Variants in DYNC2H1 observed in about 807,000 individuals in gnomAD.
The protein encoded by DYNC2H1 is cytoplasmic dynein 2 heavy chain 1.
Under a neutral mutation model 570.0 loss-of-function variants are expected in DYNC2H1, and 410 were observed. That is an observed-to-expected ratio of 0.72 (90% CI 0.66 to 0.78). The LOEUF is 0.78. Among genes scored for constraint, DYNC2H1 ranks in the 30% least tolerant of loss-of-function variants. The pLI, the probability that DYNC2H1 is intolerant of heterozygous loss-of-function variation, is 0.00. For synonymous variants in DYNC2H1, 1,688 were observed against 1,677.6 expected (o/e 1.01, Z -0.15); for missense variants, 4,865 against 5,046.4 (o/e 0.96, Z 1.09).
In DYNC2H1 at chr11:103,201,839, G is replaced by T. The variant is rs1862730511; in HGVS notation, c.8197+1685G>T. 6.6e-6 allele frequency among the ~76,000 whole-genome samples: 1 copy of T among 152,188 alleles called. No homozygotes were observed. Among genetic ancestry groups the T allele is most frequent in the East Asian group, 1.9e-4 (1 of 5,180 alleles). On this transcript the variant is annotated intron_variant, in intron 50 of 88. Transcript: ENST00000375735. This position sits in a 1 kb window ranked among gnomAD's most constrained non-coding sequence, Gnocchi z 4.8. ...TTAGTGATTGGGAGGAAGTAGCTTA[G>T]TTTTAAACTTGGATCAAGAGTGTTT...
intron 83 of DYNC2H1, among the ~76,000 whole-genome samples, chr11:103,383,430 C>T (rs571958985): frequency 9.2e-5 from 14 of 151,894 alleles, no homozygotes; most frequent in African/African-American, 1.4e-4. Context: ...TGTTTTGCTT[C>T]TTGATTTGGG....
rs1347185752 is a variant in DYNC2H1, at chr11:103,261,701, A to C, written c.10695+1724A>C. Among the ~76,000 whole-genome samples, 1 of 152,250 alleles carries C rather than the reference A, an allele frequency of 6.6e-6. No individual in the cohort carries two copies. Among genetic ancestry groups the C allele is most frequent in the Non-Finnish European group, 1.5e-5 (1 of 68,044 alleles). On this transcript the variant is annotated intron_variant, in intron 70 of 88. Transcript: ENST00000375735. This position sits in a 1 kb window ranked among gnomAD's most constrained non-coding sequence, Gnocchi z 4.8. ...CAAAAACCCCATCCGAAGGTCACCAAGATCAAAGACCAAAGGTAGATAAAT... is the reference window on the plus strand; with the variant it reads ...CAAAAACCCCATCCGAAGGTCACCACGATCAAAGACCAAAGGTAGATAAAT...
intron 82 of DYNC2H1, among the ~76,000 whole-genome samples, chr11:103,332,312 G>GAAAAAAAAAAAAA (rs71962098): frequency 1.6e-5 from 2 of 122,544 alleles, no homozygotes; most frequent in African/African-American, 3.0e-5. Context: ...AAAAAACTGG[G>GAAAAAAAAAAAAA]AAAAAAAAAA....
At chr11:103,253,546 T>C in intron 66 of DYNC2H1, 98 bp downstream of exon 66, 1 of 1,148,760 alleles carries the variant, frequency 8.7e-7, no homozygotes, top group Non-Finnish European at 1.2e-6. Context: ...GACTAATTAG[T>C]ATTTACATTT....
chr11:103,248,969 G>T (rs764906411), intron 65 of DYNC2H1, among the ~76,000 whole-genome samples: 6 of 152,118 alleles, frequency 3.9e-5, no homozygotes, highest in Non-Finnish European at 7.4e-5. Flanking sequence ...TCCCTGGAAA[G>T]GACCCAGAGA....
intron 87 of DYNC2H1, among the ~76,000 whole-genome samples, chr11:103,464,811 A>C (rs962671188): frequency 6.6e-6 from 1 of 152,170 alleles, no homozygotes; most frequent in African/African-American, 2.4e-5. Context: ...ATATTGAAAC[A>C]TGTACTTCTG....
At position 103,240,568 on chromosome 11, in the gene DYNC2H1, T is replaced by C. The variant is rs1362297032; in HGVS notation, c.9820-3125T>C. On this transcript the variant is annotated intron_variant, in intron 63 of 88. Coordinates refer to ENST00000375735, the MANE Select transcript of DYNC2H1 (RefSeq NM_001377.3). ...CGTCATTCTTACTATGTCTCTTTAC[T>C]TTTTTATTCAGTTATTCAACTAATC... Among the ~76,000 whole-genome samples the C allele has an allele frequency of 3.3e-5, 5 of 152,166 alleles. No individual in the cohort carries two copies. The South Asian group carries it at 1.0e-3, about 31-fold the overall frequency.
rs1591397473 is a variant in DYNC2H1, at chr11:103,200,070, G to A, written c.8113G>A (p.Ala2705Thr). The A allele has an allele frequency of 1.9e-6, 3 of 1,587,070 alleles. No individual in the cohort carries two copies. The highest frequency in any genetic ancestry group is 2.6e-6 in the Non-Finnish European group (3 of 1,164,936). Reference protein sequence around the residue: ...KHVLQLAGIEAQQVVLLLEDY... With the variant: ...KHVLQLAGIETQQVVLLLEDY... ...GGTGCTGCAACTTGCAGGAATTGAA[G>A]CACAACAGGTAGTTTTACTTCTTGA... Residue 2705 changes from alanine (A) to threonine (T), a missense_variant, in exon 50 of 89, where the codon GCA becomes ACA. Transcript: ENST00000375735.
intron 83 of DYNC2H1, among the ~76,000 whole-genome samples, chr11:103,393,414 A>T (rs1942257241): frequency 6.6e-6 from 1 of 152,342 alleles, no homozygotes; most frequent in East Asian, 1.9e-4. Context: ...ATATCATATT[A>T]AAGATACTTT....
chr11:103,449,764 T>C (rs1944536630), intron 85 of DYNC2H1, among the ~76,000 whole-genome samples: 3 of 152,198 alleles, frequency 2.0e-5, no homozygotes, highest in African/African-American at 7.2e-5. Context: ...GAATTCCATT[T>C]TGCTCAGCCT....
chr11:103,203,793 T>G lies in DYNC2H1; in HGVS notation c.8311+17T>G. 8 of 1,520,724 alleles carry G rather than the reference T, an allele frequency of 5.3e-6. No homozygotes were observed. The highest frequency in any genetic ancestry group is 6.3e-6 in the Non-Finnish European group (7 of 1,109,614). 94.2% of individuals were successfully genotyped at this position (1,520,724 alleles called of 1,614,324 possible). A position where few individuals can be genotyped will look rare whatever the true frequency, so the allele number is the denominator to read the frequency against. ...TCACATATAGTAAGTGACATAGAAT[T>G]CATTAATCAAATCAAACTGGTTTGT... is the stretch of plus-strand genomic sequence containing the variant. On this transcript the variant is annotated intron_variant, in intron 51 of 88. Transcript: ENST00000375735. The surrounding 1 kb of genome is among the most constrained non-coding windows in gnomAD (Gnocchi z 4.7).
chr11:103,258,733 G>A (rs1162503407), intron 69 of DYNC2H1, among the ~76,000 whole-genome samples: 2 of 152,168 alleles, frequency 1.3e-5, no homozygotes, highest in Non-Finnish European at 2.9e-5. Flanking sequence ...CTTTTAAAAT[G>A]CAGCCTTAGG....
intron 70 of DYNC2H1, among the ~76,000 whole-genome samples, chr11:103,260,615 T>C (rs1865235481): frequency 6.8e-6 from 1 of 146,462 alleles, no homozygotes. Context: ...TTTTTGTACT[T>C]AGAATTTTTT....
chr11:103,451,418 C>T (rs975747054), intron 85 of DYNC2H1, among the ~76,000 whole-genome samples: 6 of 148,882 alleles, frequency 4.0e-5, no homozygotes, highest in Non-Finnish European at 8.9e-5. Flanking sequence ...CTGCAACCTC[C>T]GCCTCCCAGG....
At chr11:103,279,433 A>G (rs1040329401) in intron 70 of DYNC2H1, among the ~76,000 whole-genome samples, 2 of 152,210 alleles carry the variant, frequency 1.3e-5, no homozygotes, top group Admixed American at 6.5e-5. Flanking sequence ...TATGCGGCGT[A>G]TTATTGAATT....
intron 84 of DYNC2H1, among the ~76,000 whole-genome samples, chr11:103,433,181 A>C (rs1049446205): frequency 6.6e-6 from 1 of 152,072 alleles, no homozygotes; most frequent in African/African-American, 2.4e-5. Context: ...TTAATTCTCT[A>C]CATATTTAAC....
chr11:103,169,297 C>T (rs1485396664), intron 32 of DYNC2H1, among the ~76,000 whole-genome samples: 1 of 151,972 alleles, frequency 6.6e-6, no homozygotes, highest in African/African-American at 2.4e-5. Context: ...GTTTGTGTCT[C>T]CTTATACAAG....
intron 63 of DYNC2H1, 64 bp downstream of exon 63, chr11:103,236,603 G>C (rs1309685074): frequency 6.8e-6 from 6 of 882,010 alleles, no homozygotes; most frequent in Non-Finnish European, 1.1e-5. Flanking sequence ...TGTAGAAATT[G>C]TGTTCTTCGT....
chr11:103,194,925 G>T (rs1359646912), intron 47 of DYNC2H1, among the ~76,000 whole-genome samples: 3 of 151,748 alleles, frequency 2.0e-5, no homozygotes, highest in Non-Finnish European at 1.5e-5. Flanking sequence ...ATCATGTTGG[G>T]TAGGCTGGTT....
Sources: gnomAD v4.1 joint callset for allele counts (sites outside exome capture counted in the v4.1 genomes callset) on GRCh38, gnomAD v4.1.1 for gene constraint, Gnocchi (gnomAD v3.1) non-coding constraint, MANE v1.5 for transcripts, NCBI Gene and HGNC (gene_info 2026-07-23, HGNC 2026-07-21) for gene names.